The following TMEM101 variants were observed in gnomAD, a reference collection of about 807,000 sequenced individuals.
The protein encoded by TMEM101 is transmembrane protein 101, also known as putative NF-kappa-B-activating protein 130.
TMEM101 carries 14 observed loss-of-function variants against 26.0 expected under a neutral mutation model. The observed-to-expected ratio is 0.54, with a 90% CI of 0.36 to 0.84. The LOEUF (loss-of-function observed/expected upper bound fraction) is 0.84, where lower values mean the gene tolerates loss of function less well. TMEM101 is among the 40% of genes least tolerant of loss of function. TMEM101 has a pLI of 0.01. For missense variants in TMEM101, 292 were observed against 345.1 expected (o/e 0.85, Z 1.22); for synonymous variants, 152 against 145.1 (o/e 1.05, Z -0.34).
chr17:44,015,388 T>C (rs1416345114), upstream of TMEM101, among the ~76,000 whole-genome samples: 1 of 151,864 alleles, frequency 6.6e-6, no homozygotes, highest in African/African-American at 2.4e-5. Flanking sequence ...TTTTTTTCTT[T>C]TTTTTTTGTT....
chr17:44,012,083 G>A lies in TMEM101; in HGVS notation c.619C>T (p.Leu207=), dbSNP rs768292806. The change falls in exon 4 of 4, where the codon CTG becomes TTG. Residue 207 remains leucine, a synonymous_variant. Coordinates refer to ENST00000206380, the MANE Select transcript of TMEM101 (RefSeq NM_032376.4). ...GYYVTLAAQI[L]AVLLPPVMLL... ...ATGACAGGGGGCAGCAGTACAGCCAGGATCTGGGCAGCGAGGGTCACGTAG... is the reference window on the plus strand; with the variant it reads ...ATGACAGGGGGCAGCAGTACAGCCAAGATCTGGGCAGCGAGGGTCACGTAG... The A allele has an allele frequency of 1.4e-5, 22 of 1,614,138 alleles. No individual in the cohort carries two copies. In the South Asian group the frequency reaches 2.3e-4, roughly 17 times the overall value.
At chr17:44,021,270 T>C (rs894758212) in intron 2 of TMEM101, 17 of 152,206 alleles carry the variant, frequency 1.1e-4, no homozygotes, top group African/African-American at 4.1e-4. Context: ...TGGTATTGTA[T>C]AAAATGACCT....
chr17:44,017,646 C>T (rs190823652), upstream of TMEM101, among the ~76,000 whole-genome samples: 1,275 of 149,956 alleles, frequency 8.5e-3, 7 homozygotes, highest in Non-Finnish European at 0.014. Context: ...ACCTGTAATT[C>T]CAGCTACTTG....
intron 2 of TMEM101, 125 bp downstream of exon 2, chr17:44,014,232 G>A: frequency 8.4e-7 from 1 of 1,188,216 alleles, no homozygotes; most frequent in Non-Finnish European, 1.2e-6. Context: ...CAAGGGGTTC[G>A]AACCTCCCAG....
At position 44,020,876 on chromosome 17, in the gene TMEM101, T is replaced by C. The variant is rs143407586; in HGVS notation, c.-210+446A>G. On this transcript the variant is annotated intron_variant, in intron 2 of 4. Coordinates refer to the TMEM101 transcript ENST00000585950. The stretch of plus-strand genomic sequence containing the variant: ...CAGCACTGACTGCAGTTGGCTTCTA[T>C]TGCAGCAGTGGCTACCCAGTTGATG... Among the ~76,000 whole-genome samples, 43 of 152,338 alleles carry C rather than the reference T, an allele frequency of 2.8e-4. No individual in the cohort carries two copies. The East Asian group carries it at 5.2e-3, about 18-fold the overall frequency.
chr17:44,012,270 A>G, intron 3 of TMEM101, 34 bp from the exon 4 acceptor site: 1 of 1,567,652 alleles, frequency 6.4e-7, no homozygotes, highest in African/African-American at 1.3e-5. Flanking sequence ...ACTCTCCAAC[A>G]GGCTCAGAAG....
chr17:44,014,531 G>C lies in TMEM101; in HGVS notation c.144C>G (p.Pro48=). Residue 48 remains proline, a synonymous_variant, in exon 2 of 4, where the codon CCC becomes CCG. Transcript: ENST00000206380. ...YAERAEARRK[P]DIPVPYLYFD... ...AATACAGGTAAGGCACTGGGATGTC[G>C]GGCTTCCTGCGAGCCGGGAGTGGGG... The C allele has an allele frequency of 6.4e-7, 1 of 1,568,586 alleles. No individual in the cohort carries two copies. Among genetic ancestry groups the C allele is most frequent in the Non-Finnish European group, 8.7e-7 (1 of 1,154,790 alleles).
intron 2 of TMEM101, among the ~76,000 whole-genome samples, chr17:44,020,979 T>C (rs2049279399): frequency 6.6e-6 from 1 of 152,100 alleles, no homozygotes; most frequent in Non-Finnish European, 1.5e-5. Context: ...GTAACAAAAA[T>C]GGAGGGGAAC....
chr17:44,013,961 G>A (rs905973907), intron 2 of TMEM101, among the ~76,000 whole-genome samples: 6 of 152,116 alleles, frequency 3.9e-5, no homozygotes, highest in African/African-American at 1.4e-4. Flanking sequence ...TATACTAACA[G>A]TAATTACATT....
rs780021992 is a variant in TMEM101 at position 44,014,872 on chromosome 17, G to A, written c.81C>T (p.Pro27=). The change falls in exon 1 of 4, where the codon CCC becomes CCT. Residue 27 remains proline, a synonymous_variant. Transcript: ENST00000206380. ...QLGSVLLTRC[P]FWGCFSQLML... is the part of the protein sequence containing the mutation. ...TGAGCTGGCTGAAGCAGCCCCAAAA[G>A]GGGCAGCGTGTGAGCAGCACCGAAC... 8.7e-6 allele frequency: 14 copies of A among 1,613,808 alleles called. No individual in the cohort carries two copies. Among genetic ancestry groups the A allele is most frequent in the Non-Finnish European group, 1.0e-5 (12 of 1,179,884 alleles).
chr17:44,021,722 G>T (rs1387516798), intron 1 of TMEM101, among the ~76,000 whole-genome samples: 2 of 152,172 alleles, frequency 1.3e-5, no homozygotes, highest in African/African-American at 4.8e-5. Context: ...ATCAGAACCG[G>T]TGAGTTTTGG....
intron 1 of TMEM101, 37 bp downstream of exon 1, chr17:44,014,779 C>T: frequency 2.0e-6 from 3 of 1,532,086 alleles, no homozygotes; most frequent in Middle Eastern, 1.8e-4. Flanking sequence ...ACATCACCGC[C>T]CCCTGCCGCG....
chr17:44,019,074 G>A (rs971264522), upstream of TMEM101, among the ~76,000 whole-genome samples: 1 of 152,214 alleles, frequency 6.6e-6, no homozygotes, highest in Non-Finnish European at 1.5e-5. Context: ...TTCTGTGCGA[G>A]AGACGAGTGA....
intron 2 of TMEM101, among the ~76,000 whole-genome samples, chr17:44,014,066 G>A (rs190838548): frequency 1.0e-3 from 155 of 152,254 alleles, no homozygotes; most frequent in African/African-American, 3.6e-3. Context: ...AAAAGATTCT[G>A]GGAACCAGGT....
At chr17:44,015,375 CTTT>C (rs1046171676), upstream of TMEM101, among the ~76,000 whole-genome samples, 6 of 68,256 alleles carry the variant, frequency 8.8e-5, no homozygotes, top group Admixed American at 6.4e-4. Context: ...GAGTTGTGAA[CTTT>C]TTTTTTCTTT....
chr17:44,019,381 C>A, upstream of TMEM101: 1 of 420,870 alleles, frequency 2.4e-6, no homozygotes, highest in South Asian at 1.7e-5. Context: ...GGCCACTCGT[C>A]CGTGCACAGA....
At chr17:44,015,583 CG>C (rs2049222639), upstream of TMEM101, among the ~76,000 whole-genome samples, 1 of 151,974 alleles carries the variant, frequency 6.6e-6, no homozygotes, top group Non-Finnish European at 1.5e-5. Context: ...TTAGTAGAGA[CG>C]GAGTTTCACC....
rs1427387287 is a variant in TMEM101 at position 44,014,415 on chromosome 17, G to A, written c.260C>T (p.Ala87Val). The A allele has an allele frequency of 6.4e-7, 1 of 1,556,382 alleles. No individual in the cohort carries two copies. Residue 87 changes from alanine (A) to valine (V), a missense_variant, in exon 2 of 4, where the codon GCC becomes GTC. Coordinates refer to ENST00000206380, the MANE Select transcript of TMEM101 (RefSeq NM_032376.4). ...WFALGAALQL[A>V]ISTYAAYIGG... ...GATGTAGGCGGCGTAGGTGCTAATG[G>A]CCAATTGGAGTGCGGCCCCCAGCGC...
At chr17:44,020,142 G>A (rs1567949400) in intron 2 of TMEM101, among the ~76,000 whole-genome samples, 1 of 152,120 alleles carries the variant, frequency 6.6e-6, no homozygotes, top group African/African-American at 2.4e-5. Flanking sequence ...GGAGTCCGGC[G>A]CATTCATAAC....
Sources: allele counts gnomAD v4.1 joint callset (sites outside exome capture counted in the v4.1 genomes callset), GRCh38; gene constraint gnomAD v4.1.1; transcripts MANE v1.5; gene names NCBI Gene and HGNC (gene_info 2026-07-23, HGNC 2026-07-21).